Variants in COG5 observed in about 807,000 individuals in gnomAD.
COG5 encodes the protein conserved oligomeric Golgi complex subunit 5.
Under a neutral mutation model 110.4 loss-of-function variants are expected in COG5, and 86 were observed. The observed-to-expected ratio is 0.78, with a 90% CI of 0.65 to 0.93. COG5 has a LOEUF of 0.93. COG5 is among the 40% of genes least tolerant of loss of function. COG5 has a pLI of 0.00. For missense variants in COG5, 1,077 were observed against 987.0 expected, an observed-to-expected ratio of 1.09 and a Z score of -1.22; for synonymous variants, 360 against 334.6, an observed-to-expected ratio of 1.08 and a Z score of -0.83.
chr7:107,563,550 G>GT (rs1554466251), intron 1 of COG5: 2 of 494,918 alleles, frequency 4.0e-6, no homozygotes, highest in Non-Finnish European at 3.7e-6. Flanking sequence ...GGCATGGGGG[G>GT]GGGGGGGGTC....
At chr7:107,345,299 A>C (rs1811502054) in intron 10 of COG5, among the ~76,000 whole-genome samples, 1 of 152,244 alleles carries the variant, frequency 6.6e-6, no homozygotes, top group Non-Finnish European at 1.5e-5. Context: ...TTGCGACAAT[A>C]TTACCAAAAG....
At chr7:107,563,669 C>G (rs1340893398) in intron 1 of COG5, 134 bp downstream of exon 1, 2 of 971,070 alleles carry the variant, frequency 2.1e-6, no homozygotes, top group Admixed American at 1.9e-5. Context: ...AGCCAGGGGG[C>G]CGGGCGGAGG....
intron 6 of COG5, among the ~76,000 whole-genome samples, chr7:107,510,416 C>T (rs942352884): frequency 5.3e-5 from 8 of 152,182 alleles, no homozygotes; most frequent in African/African-American, 1.4e-4. Flanking sequence ...TAGTGACCTA[C>T]AAAGAGACTT....
intron 7 of COG5, among the ~76,000 whole-genome samples, chr7:107,405,058 T>G (rs554596545): frequency 6.6e-6 from 1 of 152,236 alleles, no homozygotes; most frequent in East Asian, 1.9e-4. Context: ...ATTTTCAATA[T>G]AATTATTTAA....
chr7:107,318,135 C>T (rs545457038), intron 11 of COG5, among the ~76,000 whole-genome samples: 54 of 152,150 alleles, frequency 3.5e-4, no homozygotes, highest in Admixed American at 2.3e-3. Context: ...TCAAGTGATT[C>T]CCCTGCCTCA....
At chr7:107,274,128 G>A (rs1804499223) in intron 14 of COG5, among the ~76,000 whole-genome samples, 1 of 152,052 alleles carries the variant, frequency 6.6e-6, no homozygotes, top group Non-Finnish European at 1.5e-5. Flanking sequence ...GTCCATCTTT[G>A]GGAATAAAAA....
At chr7:107,557,016 G>A (rs966478816) in intron 2 of COG5, among the ~76,000 whole-genome samples, 2 of 152,238 alleles carry the variant, frequency 1.3e-5, no homozygotes, top group East Asian at 1.9e-4. Flanking sequence ...TGACCTGCCC[G>A]CCTCAGCCTC....
intron 6 of COG5, among the ~76,000 whole-genome samples, chr7:107,512,000 C>G (rs945553161): frequency 7.9e-5 from 12 of 152,298 alleles, no homozygotes; most frequent in African/African-American, 2.9e-4. Context: ...CAGGGATGCC[C>G]TCTCTCACCA....
intron 10 of COG5, among the ~76,000 whole-genome samples, chr7:107,332,325 A>C (rs1810325764): frequency 6.6e-6 from 1 of 152,224 alleles, no homozygotes; most frequent in Non-Finnish European, 1.5e-5. Context: ...TTGGTGGAAG[A>C]AATGATTCAG....
At chr7:107,352,916 C>G (rs1315505628) in intron 10 of COG5, among the ~76,000 whole-genome samples, 1 of 152,098 alleles carries the variant, frequency 6.6e-6, no homozygotes, top group Non-Finnish European at 1.5e-5. Flanking sequence ...GAATCTACAG[C>G]CTGTTTTCCA....
At chr7:107,508,034 A>G (rs907705529) in intron 6 of COG5, among the ~76,000 whole-genome samples, 3 of 152,206 alleles carry the variant, frequency 2.0e-5, no homozygotes, top group Non-Finnish European at 2.9e-5. Context: ...AGTGGGTGCA[A>G]GACAGTGGGT....
intron 1 of COG5, 102 bp from the exon 2 acceptor site, chr7:107,558,217 C>A: frequency 6.5e-6 from 8 of 1,228,468 alleles, no homozygotes; most frequent in African/African-American, 3.0e-5. Context: ...ATTTTGATCC[C>A]ATACTCTGAA....
chr7:107,224,381 G>A (rs1343105225), intron 19 of COG5, among the ~76,000 whole-genome samples: 4 of 152,184 alleles, frequency 2.6e-5, no homozygotes, highest in African/African-American at 9.7e-5. Context: ...CTACATTCTA[G>A]TTATTGACAG....
intron 10 of COG5, among the ~76,000 whole-genome samples, chr7:107,349,511 C>T (rs1448499052): frequency 6.6e-6 from 1 of 151,404 alleles, no homozygotes; most frequent in African/African-American, 2.4e-5. Flanking sequence ...TGATTCTCTC[C>T]TGCCTCGGCC....
At chr7:107,509,388 T>G (rs1281529523) in intron 6 of COG5, among the ~76,000 whole-genome samples, 3 of 152,118 alleles carry the variant, frequency 2.0e-5, no homozygotes, top group African/African-American at 4.8e-5. Context: ...CCAAGAAATA[T>G]GGGACTATGT....
At chr7:107,348,820 T>C (rs888116655) in intron 10 of COG5, among the ~76,000 whole-genome samples, 3 of 152,118 alleles carry the variant, frequency 2.0e-5, no homozygotes, top group African/African-American at 7.2e-5. Context: ...AATAAAGACA[T>C]TTTCCTATGT....
intron 10 of COG5, among the ~76,000 whole-genome samples, chr7:107,352,249 A>G (rs543879136): frequency 4.0e-4 from 58 of 143,462 alleles, no homozygotes; most frequent in African/African-American, 1.5e-3. Context: ...CATAGGTGGG[A>G]AGTGAACAAG....
At chr7:107,417,774 A>C (rs1289108741) in intron 6 of COG5, among the ~76,000 whole-genome samples, 1 of 151,988 alleles carries the variant, frequency 6.6e-6, no homozygotes, top group Non-Finnish European at 1.5e-5. Flanking sequence ...GTCTAATCTA[A>C]GTTATGAAGC....
intron 6 of COG5, among the ~76,000 whole-genome samples, chr7:107,512,868 C>G (rs1257010982): frequency 1.3e-5 from 2 of 151,126 alleles, no homozygotes; most frequent in Admixed American, 1.3e-4. Flanking sequence ...AACTGGATCC[C>G]TTCCTTACAC....
Sources: gnomAD v4.1 joint callset for allele counts (sites outside exome capture counted in the v4.1 genomes callset) on GRCh38, gnomAD v4.1.1 for gene constraint, MANE v1.5 for transcripts, NCBI Gene and HGNC (gene_info 2026-07-23, HGNC 2026-07-21) for gene names.